ZNF804A: variants seen among roughly 807,000 people sequenced by gnomAD.
ZNF804A encodes zinc finger protein 804A.
A neutral mutation model predicts 16.5 loss-of-function variants in ZNF804A; 2 were observed. The observed-to-expected ratio is 0.12, with a 90% CI of 0.05 to 0.38. The LOEUF (loss-of-function observed/expected upper bound fraction) is 0.38, where lower values mean the gene tolerates loss of function less well. Ranked by LOEUF, ZNF804A falls within the 10% of genes least tolerant of loss-of-function variation. The pLI is 0.99. For missense variants in ZNF804A, 1,473 were observed against 1,390.7 expected, an observed-to-expected ratio of 1.06 and a Z score of -0.94; for synonymous variants, 534 against 489.6, an observed-to-expected ratio of 1.09 and a Z score of -1.20.
At chr2:184,738,731 T>G (rs1693670949) in intron 1 of ZNF804A, among the ~76,000 whole-genome samples, 1 of 152,178 alleles carries the variant, frequency 6.6e-6, no homozygotes, top group South Asian at 2.1e-4. Flanking sequence ...CTAATGTAAT[T>G]GAAAATAATT....
chr2:184,813,212 G>A (rs1268516499), intron 1 of ZNF804A, among the ~76,000 whole-genome samples: 1 of 151,862 alleles, frequency 6.6e-6, no homozygotes, highest in East Asian at 1.9e-4. Flanking sequence ...GGATTATAAG[G>A]TAACTTAGTA....
intron 1 of ZNF804A, among the ~76,000 whole-genome samples, chr2:184,860,854 G>A (rs1202313089): frequency 6.6e-6 from 1 of 152,230 alleles, no homozygotes; most frequent in Non-Finnish European, 1.5e-5. Context: ...TGGGGCAATG[G>A]CCAAGCTCAG....
intron 1 of ZNF804A, among the ~76,000 whole-genome samples, chr2:184,859,959 T>TA (rs1695770728): frequency 1.3e-5 from 2 of 152,150 alleles, no homozygotes; most frequent in South Asian, 4.1e-4. Flanking sequence ...GGCTACCCAC[T>TA]AGGAAGGGTT....
chr2:184,820,662 A>G (rs1314652378), intron 1 of ZNF804A, among the ~76,000 whole-genome samples: 2 of 152,088 alleles, frequency 1.3e-5, no homozygotes, highest in Non-Finnish European at 2.9e-5. Flanking sequence ...CTATATATAG[A>G]AAATCCCATC....
chr2:184,677,484 A>G (rs913815475), intron 1 of ZNF804A, among the ~76,000 whole-genome samples: 1 of 152,016 alleles, frequency 6.6e-6, no homozygotes, highest in Admixed American at 6.5e-5. Context: ...CTTGAAAATT[A>G]TCTACAATGT....
intron 1 of ZNF804A, among the ~76,000 whole-genome samples, chr2:184,712,619 A>G (rs1693147739): frequency 6.6e-6 from 1 of 151,532 alleles, no homozygotes; most frequent in African/African-American, 2.4e-5. Flanking sequence ...TAAGCTTTTG[A>G]TTCCTTTCTT....
At chr2:184,883,855 G>C (rs549673748) in intron 2 of ZNF804A, among the ~76,000 whole-genome samples, 2 of 152,124 alleles carry the variant, frequency 1.3e-5, no homozygotes, top group African/African-American at 4.8e-5. Flanking sequence ...ATACCAAATA[G>C]GCAAATGCTG....
intron 2 of ZNF804A, among the ~76,000 whole-genome samples, chr2:184,930,506 A>G (rs905483594): frequency 2.0e-5 from 3 of 152,198 alleles, no homozygotes; most frequent in Non-Finnish European, 4.4e-5. Flanking sequence ...ATATATACAC[A>G]TACAAGGACA....
At chr2:184,871,206 G>A (rs1268201458) in intron 2 of ZNF804A, among the ~76,000 whole-genome samples, 1 of 151,668 alleles carries the variant, frequency 6.6e-6, no homozygotes, top group Non-Finnish European at 1.5e-5. Flanking sequence ...ACCCTTGGAG[G>A]CTGAGGAGTA....
Position 184,937,516 on chromosome 2 carries a change from CAAT to C in ZNF804A, c.2121_2123del (p.Met708del). Reference sequence around the variant, plus strand: ...CTTTTAAATGGACAATCAAATGCAACAATGATACATTCTGGGAAACATAATTTA... The same window carrying C: ...CTTTTAAATGGACAATCAAATGCAACGATACATTCTGGGAAACATAATTTA... On this transcript the variant is annotated inframe_deletion, in exon 4 of 4. Coordinates refer to ENST00000302277, the MANE Select transcript of ZNF804A (RefSeq NM_194250.2). The C allele has an allele frequency of 6.2e-7, 1 of 1,611,396 alleles. No homozygotes were observed. Among genetic ancestry groups the C allele is most frequent in the Non-Finnish European group, 8.5e-7 (1 of 1,179,140 alleles).
At chr2:184,866,717 G>A (rs1695882686) in intron 2 of ZNF804A, among the ~76,000 whole-genome samples, 1 of 146,936 alleles carries the variant, frequency 6.8e-6, no homozygotes, top group Non-Finnish European at 1.5e-5. Context: ...CAATAGCAAA[G>A]TCTGAAATAA....
At chr2:184,791,121 T>TA (rs1694533102) in intron 1 of ZNF804A, among the ~76,000 whole-genome samples, 1 of 152,330 alleles carries the variant, frequency 6.6e-6, no homozygotes, top group East Asian at 1.9e-4. Context: ...TTATTTTTTT[T>TA]ATCCAGTTTT....
intron 1 of ZNF804A, among the ~76,000 whole-genome samples, chr2:184,663,921 G>A (rs1420183838): frequency 1.3e-5 from 2 of 152,146 alleles, no homozygotes; most frequent in Non-Finnish European, 2.9e-5. Flanking sequence ...ATGATTATAG[G>A]AAAGAAGGTT....
intron 1 of ZNF804A, among the ~76,000 whole-genome samples, chr2:184,756,219 A>G (rs1445771221): frequency 6.6e-6 from 1 of 151,208 alleles, no homozygotes; most frequent in Non-Finnish European, 1.5e-5. Flanking sequence ...TTTAAAAGGG[A>G]CTTTATTGAA....
intron 1 of ZNF804A, among the ~76,000 whole-genome samples, chr2:184,644,124 C>A (rs1334173057): frequency 6.6e-6 from 1 of 151,210 alleles, no homozygotes; most frequent in African/African-American, 2.4e-5. Context: ...CTGTCTTCAA[C>A]CTTCTGAAAA....
At chr2:184,923,670 G>A (rs191831905) in intron 2 of ZNF804A, among the ~76,000 whole-genome samples, 2 of 151,956 alleles carry the variant, frequency 1.3e-5, no homozygotes, top group Non-Finnish European at 1.5e-5. Context: ...CATTCAGTAC[G>A]ATACTAGCTG....
chr2:184,933,027 T>A (rs1163664704), intron 2 of ZNF804A, among the ~76,000 whole-genome samples: 2 of 152,084 alleles, frequency 1.3e-5, no homozygotes, highest in Non-Finnish European at 2.9e-5. Context: ...ATTTGTCTTA[T>A]GGATTAACAT....
intron 1 of ZNF804A, among the ~76,000 whole-genome samples, chr2:184,760,079 TA>T (rs1241886209): frequency 2.0e-5 from 3 of 152,046 alleles, no homozygotes; most frequent in African/African-American, 7.2e-5. Flanking sequence ...ACTTCTTTGG[TA>T]GTGGAATGCC....
chr2:184,807,440 CAT>C lies in ZNF804A; in HGVS notation c.112-58927_112-58926del. Among the ~76,000 whole-genome samples the C allele has an allele frequency of 2.0e-5, 3 of 151,696 alleles. No homozygotes were observed. In the Middle Eastern group the frequency reaches 0.01, roughly 516 times the overall value. On this transcript the variant is annotated intron_variant, in intron 1 of 3. Coordinates refer to ENST00000302277, the MANE Select transcript of ZNF804A (RefSeq NM_194250.2). ...TACATGTTTTAGAGGTATTAATACA[CAT>C]AAAGATTTTCTATAAAAATACAATG...
Sources: allele counts gnomAD v4.1 joint callset (sites outside exome capture counted in the v4.1 genomes callset), GRCh38; gene constraint gnomAD v4.1.1; transcripts MANE v1.5; gene names NCBI Gene and HGNC (gene_info 2026-07-23, HGNC 2026-07-21).